ATP8A2: variants seen among roughly 807,000 people sequenced by gnomAD.
The protein encoded by ATP8A2 is phospholipid-transporting ATPase IB.
Under a neutral mutation model 165.6 loss-of-function variants are expected in ATP8A2, and 100 were observed. The observed-to-expected ratio is 0.60, with a 90% confidence interval of 0.51 to 0.71. The LOEUF (loss-of-function observed/expected upper bound fraction) is 0.71, where lower values mean the gene tolerates loss of function less well. ATP8A2 is among the 30% of genes least tolerant of loss of function. The pLI is 0.00. For missense variants in ATP8A2, 1,227 were observed against 1,479.5 expected (o/e 0.83, Z 2.80); for synonymous variants, 543 against 548.8 (o/e 0.99, Z 0.15).
intron 1 of ATP8A2, among the ~76,000 whole-genome samples, chr13:25,465,709 T>C (rs1489016524): frequency 9.1e-5 from 2 of 22,086 alleles, no homozygotes; most frequent in Admixed American, 6.5e-4. Flanking sequence ...CTTTCTTTCT[T>C]TCTTTCTTTC....
intron 24 of ATP8A2, among the ~76,000 whole-genome samples, chr13:25,609,781 A>G (rs1332840356): frequency 2.9e-5 from 4 of 138,620 alleles, no homozygotes; most frequent in Non-Finnish European, 6.4e-5. Flanking sequence ...CCACACCAAC[A>G]CCTATTTTTT....
intron 33 of ATP8A2, chr13:25,881,082 A>G (rs990088735): frequency 3.7e-6 from 1 of 270,438 alleles, no homozygotes; most frequent in African/African-American, 2.3e-5. Context: ...ACAAAATTCA[A>G]CACCTTGACA....
At chr13:25,947,562 G>C (rs149574423) in intron 33 of ATP8A2, among the ~76,000 whole-genome samples, 12 of 152,282 alleles carry the variant, frequency 7.9e-5, no homozygotes, top group African/African-American at 2.6e-4. Context: ...AGGACTTCCA[G>C]CTCAGAAGTC....
Position 26,009,525 on chromosome 13 carries a change from G to T in ATP8A2, c.3378-3006G>T, listed in dbSNP as rs147023620. Among the ~76,000 whole-genome samples, 251 of 152,292 alleles carry T rather than the reference G, an allele frequency of 1.6e-3. 1 individual carries two copies. Among genetic ancestry groups the T allele is most frequent in the African/African-American group, 5.9e-3 (244 of 41,566 alleles). On this transcript the variant is annotated intron_variant, in intron 35 of 36. Transcript: ENST00000381655. ...GGCCACCCCCACAGACCTGGGGTGTGCACATTGGCTATATGGTCTACTTTT... is the reference window on the plus strand; with the variant it reads ...GGCCACCCCCACAGACCTGGGGTGTTCACATTGGCTATATGGTCTACTTTT...
At chr13:25,968,425 T>C (rs1217752886) in intron 34 of ATP8A2, 150 bp from the exon 35 acceptor site, 2 of 663,174 alleles carry the variant, frequency 3.0e-6, no homozygotes, top group South Asian at 3.6e-5. Flanking sequence ...ACCTGGGTCA[T>C]GCATGGAGAC....
chr13:25,668,472 T>C (rs1439014929), intron 24 of ATP8A2, among the ~76,000 whole-genome samples: 1 of 152,188 alleles, frequency 6.6e-6, no homozygotes, highest in Non-Finnish European at 1.5e-5. Context: ...GTTATTGGCT[T>C]TTGATGGTTT....
chr13:25,434,075 A>T (rs945382674), intron 1 of ATP8A2, among the ~76,000 whole-genome samples: 3 of 152,178 alleles, frequency 2.0e-5, no homozygotes, highest in African/African-American at 7.2e-5. Context: ...GATGCAATAT[A>T]CCCATGTAAC....
At chr13:25,994,099 C>T (rs770715610) in intron 35 of ATP8A2, among the ~76,000 whole-genome samples, 8 of 151,946 alleles carry the variant, frequency 5.3e-5, no homozygotes, top group African/African-American at 1.7e-4. Flanking sequence ...TTGAACGATC[C>T]CAAATTGCAT....
intron 35 of ATP8A2, among the ~76,000 whole-genome samples, chr13:25,973,330 C>T (rs768432450): frequency 1.3e-5 from 2 of 152,168 alleles, no homozygotes; most frequent in Admixed American, 1.3e-4. Flanking sequence ...GGCCCATCAC[C>T]GCCAGGGAAT....
chr13:25,463,425 C>A (rs1228879987), intron 1 of ATP8A2, among the ~76,000 whole-genome samples: 1 of 151,818 alleles, frequency 6.6e-6, no homozygotes, highest in Non-Finnish European at 1.5e-5. Flanking sequence ...CTAATATATA[C>A]ATACATATTA....
At chr13:25,982,818 T>G (rs1047735651) in intron 35 of ATP8A2, among the ~76,000 whole-genome samples, 1 of 152,216 alleles carries the variant, frequency 6.6e-6, no homozygotes, top group Admixed American at 6.5e-5. Context: ...ATAAATAAAT[T>G]TCTTTATATG....
At chr13:25,954,254 G>C (rs898591968) in intron 33 of ATP8A2, among the ~76,000 whole-genome samples, 1 of 152,206 alleles carries the variant, frequency 6.6e-6, no homozygotes, top group African/African-American at 2.4e-5. Context: ...GTTTGAACTG[G>C]GTGGAGCCCA....
chr13:25,579,680 A>T, intron 21 of ATP8A2, 128 bp from the exon 22 acceptor site: 2 of 1,008,786 alleles, frequency 2.0e-6, no homozygotes, highest in Middle Eastern at 3.2e-4. Context: ...GGAGTGTTGA[A>T]TTAGAGTGAC....
intron 25 of ATP8A2, among the ~76,000 whole-genome samples, chr13:25,701,559 G>A (rs368691938): frequency 7.9e-5 from 12 of 152,212 alleles, no homozygotes; most frequent in East Asian, 7.7e-4. Flanking sequence ...AAGTAACAAC[G>A]TGGAAAAGTC....
intron 5 of ATP8A2, among the ~76,000 whole-genome samples, chr13:25,532,744 G>A (rs2038155280): frequency 6.6e-6 from 1 of 152,096 alleles, no homozygotes; most frequent in South Asian, 2.1e-4. Context: ...ATGGCTCACT[G>A]TAGCTTTGAC....
chr13:25,596,076 C>G (rs1185752695), intron 24 of ATP8A2, among the ~76,000 whole-genome samples: 1 of 152,200 alleles, frequency 6.6e-6, no homozygotes, highest in Non-Finnish European at 1.5e-5. Flanking sequence ...TTCTCTTAGT[C>G]TGTCATAGAG....
At chr13:25,807,730 AC>A (rs879450345) in intron 27 of ATP8A2, among the ~76,000 whole-genome samples, 3 of 152,084 alleles carry the variant, frequency 2.0e-5, no homozygotes, top group Non-Finnish European at 2.9e-5. Flanking sequence ...TTCCTTTACA[AC>A]AGCTATTCCT....
At chr13:25,732,371 T>C (rs556492903) in intron 25 of ATP8A2, among the ~76,000 whole-genome samples, 1 of 152,202 alleles carries the variant, frequency 6.6e-6, no homozygotes, top group Non-Finnish European at 1.5e-5. Flanking sequence ...CCATTCACAC[T>C]GCAGTCCTCT....
chr13:25,927,821 G>A (rs1016644970), intron 33 of ATP8A2, among the ~76,000 whole-genome samples: 1 of 152,250 alleles, frequency 6.6e-6, no homozygotes, highest in Non-Finnish European at 1.5e-5. Flanking sequence ...CAAAAGCCCA[G>A]ATGAAATTGC....
Sources: gnomAD v4.1 joint callset for allele counts (sites outside exome capture counted in the v4.1 genomes callset) on GRCh38, gnomAD v4.1.1 for gene constraint, MANE v1.5 for transcripts, NCBI Gene and HGNC (gene_info 2026-07-23, HGNC 2026-07-21) for gene names.